Variants in LINGO2 observed in about 807,000 individuals in gnomAD.
LINGO2 encodes leucine-rich repeat and immunoglobulin-like domain-containing nogo receptor-interacting protein 2.
A neutral mutation model predicts 30.6 loss-of-function variants in LINGO2; 14 were observed. The ratio of observed to expected loss-of-function variants is 0.46; its 90% CI spans 0.30 to 0.72. LINGO2 has a LOEUF of 0.72. LINGO2 is among the 30% of genes least tolerant of loss of function. LINGO2 has a pLI of 0.07. For synonymous variants in LINGO2, 317 were observed against 288.5 expected (o/e 1.10, Z -1.00); for missense variants, 729 against 751.7 (o/e 0.97, Z 0.35).
intron 4 of LINGO2, among the ~76,000 whole-genome samples, chr9:28,203,717 C>T (rs946024717): frequency 2.6e-5 from 4 of 152,082 alleles, no homozygotes; most frequent in African/African-American, 9.7e-5. Context: ...ATAGATATAT[C>T]CACATCACAA....
At chr9:28,684,175 C>CTTTTTCTTTTTTTTTT in the LINGO2 span, among the ~76,000 whole-genome samples, 1 of 45,430 alleles carries the variant, frequency 2.2e-5, no homozygotes, top group Non-Finnish European at 3.8e-5. Context: ...AAATGTTTAT[C>CTTTTTCTTTTTTTTTT]TTTTTTTTTT....
the LINGO2 span, among the ~76,000 whole-genome samples, chr9:28,851,924 C>G: frequency 6.6e-6 from 1 of 151,608 alleles, no homozygotes; most frequent in East Asian, 1.9e-4. Flanking sequence ...CACTAAAAAT[C>G]CAAAAACTCA....
chr9:29,018,432 T>C, the LINGO2 span, among the ~76,000 whole-genome samples: 1 of 151,982 alleles, frequency 6.6e-6, no homozygotes, highest in Non-Finnish European at 1.5e-5. Context: ...AACGAACTTC[T>C]ACATCAACCC....
At chr9:28,213,727 C>A (rs538386779) in intron 4 of LINGO2, among the ~76,000 whole-genome samples, 13 of 151,408 alleles carry the variant, frequency 8.6e-5, no homozygotes, top group Admixed American at 4.6e-4. Context: ...AATCACCAGA[C>A]ATCATAAATA....
At chr9:28,037,633 AAC>A (rs1335542841) in intron 4 of LINGO2, among the ~76,000 whole-genome samples, 5 of 152,364 alleles carry the variant, frequency 3.3e-5, no homozygotes, top group Non-Finnish European at 4.4e-5. Context: ...CTTTGGAAGA[AAC>A]AGTGTCTTGT....
At chr9:28,744,011 T>C in the LINGO2 span, among the ~76,000 whole-genome samples, 1 of 151,388 alleles carries the variant, frequency 6.6e-6, no homozygotes, top group Admixed American at 6.6e-5. Context: ...CTCTGTGTTC[T>C]CCTGATTTCA....
At chr9:28,157,752 T>A (rs1828174715) in intron 4 of LINGO2, among the ~76,000 whole-genome samples, 1 of 152,102 alleles carries the variant, frequency 6.6e-6, no homozygotes, top group Non-Finnish European at 1.5e-5. Flanking sequence ...CTAAATCATC[T>A]CTCTCAAGTT....
the LINGO2 span, among the ~76,000 whole-genome samples, chr9:28,701,907 C>G: frequency 1.3e-5 from 2 of 151,804 alleles, no homozygotes; most frequent in East Asian, 1.9e-4. Context: ...GTAAACAGTA[C>G]TGTGTTTTTA....
intron 3 of LINGO2, among the ~76,000 whole-genome samples, chr9:28,303,449 T>C (rs973464266): frequency 2.0e-5 from 3 of 152,086 alleles, no homozygotes; most frequent in Non-Finnish European, 2.9e-5. Flanking sequence ...ACTGTAGTTA[T>C]ATATAAAATT....
chr9:29,048,359 A>T, the LINGO2 span, among the ~76,000 whole-genome samples: 2 of 152,016 alleles, frequency 1.3e-5, no homozygotes, highest in Non-Finnish European at 2.9e-5. Flanking sequence ...ATGTTCATGG[A>T]TCGGAAGAAA....
chr9:28,513,567 A>G (rs1820500639), intron 1 of LINGO2, among the ~76,000 whole-genome samples: 1 of 152,244 alleles, frequency 6.6e-6, no homozygotes, highest in Non-Finnish European at 1.5e-5. Context: ...CTTGAATTCT[A>G]CAATGAGATA....
the LINGO2 span, among the ~76,000 whole-genome samples, chr9:29,177,430 A>C: frequency 6.6e-6 from 1 of 152,172 alleles, no homozygotes; most frequent in Non-Finnish European, 1.5e-5. Flanking sequence ...TACGGTAGTT[A>C]ATTAAACTTC....
chr9:28,500,588 G>A (rs577181283), intron 1 of LINGO2, among the ~76,000 whole-genome samples: 6 of 151,938 alleles, frequency 3.9e-5, no homozygotes, highest in South Asian at 4.2e-4. Flanking sequence ...CAGAATGCAC[G>A]ACAAAAAAAA....
At chr9:28,854,198 C>T in the LINGO2 span, among the ~76,000 whole-genome samples, 1 of 151,866 alleles carries the variant, frequency 6.6e-6, no homozygotes, top group African/African-American at 2.4e-5. Flanking sequence ...GCCAATAATG[C>T]CATGGCGGAG....
At chr9:28,233,061 T>TATATA (rs60875467) in intron 4 of LINGO2, among the ~76,000 whole-genome samples, 36 of 118,730 alleles carry the variant, frequency 3.0e-4, no homozygotes, top group African/African-American at 5.4e-4. Flanking sequence ...TATATATATA[T>TATATA]TAGATATATA....
the LINGO2 span, among the ~76,000 whole-genome samples, chr9:28,704,658 A>C: frequency 6.6e-6 from 1 of 152,000 alleles, no homozygotes; most frequent in African/African-American, 2.4e-5. Context: ...CTTCAAGCTG[A>C]GAGATTCTTC....
At chr9:28,956,572 C>G in the LINGO2 span, among the ~76,000 whole-genome samples, 1 of 123,598 alleles carries the variant, frequency 8.1e-6, no homozygotes, top group African/African-American at 3.0e-5. Context: ...TCCTTCCTTC[C>G]TCCATCCCTC....
intron 4 of LINGO2, among the ~76,000 whole-genome samples, chr9:28,089,613 G>C (rs1263569852): frequency 6.6e-6 from 1 of 152,134 alleles, no homozygotes; most frequent in African/African-American, 2.4e-5. Context: ...GAGAAAGCAG[G>C]AAAGATCTAA....
At chr9:29,191,402 G>A in the LINGO2 span, among the ~76,000 whole-genome samples, 1 of 151,832 alleles carries the variant, frequency 6.6e-6, no homozygotes, top group East Asian at 1.9e-4. Flanking sequence ...TATATTTTCA[G>A]ATTTTCTTAT....
Sources: allele counts gnomAD v4.1 joint callset (sites outside exome capture counted in the v4.1 genomes callset), GRCh38; gene constraint gnomAD v4.1.1; transcripts MANE v1.5; gene names NCBI Gene and HGNC (gene_info 2026-07-23, HGNC 2026-07-21).